The following COMMD6 variants were observed in gnomAD, a reference collection of about 807,000 sequenced individuals.
The protein encoded by COMMD6 is COMM domain containing 6, also known as COMM domain-containing protein 6.
Under a neutral mutation model 13.4 loss-of-function variants are expected in COMMD6, and 11 were observed. That is an observed-to-expected ratio of 0.82 (90% CI 0.52 to 1.36). COMMD6 has a LOEUF of 1.36. Ranked by LOEUF, COMMD6 falls within the 40% of genes most tolerant of loss-of-function variation. The pLI, the probability that COMMD6 is intolerant of heterozygous loss-of-function variation, is 0.00. For synonymous variants in COMMD6, 43 were observed against 36.5 expected, an observed-to-expected ratio of 1.18 and a Z score of -0.64; for missense variants, 124 against 102.4, an observed-to-expected ratio of 1.21 and a Z score of -0.91.
At chr13:75,537,705 G>GA in intron 1 of COMMD6, 30 bp from the exon 2 acceptor site, 1 of 1,614,088 alleles carries the variant, frequency 6.2e-7, no homozygotes, top group Non-Finnish European at 8.5e-7. Context: ...ACAATTTAGA[G>GA]AAACATCTTT....
intron 1 of COMMD6, among the ~76,000 whole-genome samples, chr13:75,547,642 C>T (rs1230890698): frequency 6.6e-6 from 1 of 152,168 alleles, no homozygotes; most frequent in East Asian, 1.9e-4. Flanking sequence ...TACATCCATA[C>T]CAGACGGTGT....
chr13:75,543,574 C>T (rs2030857994), upstream of COMMD6, among the ~76,000 whole-genome samples: 1 of 152,176 alleles, frequency 6.6e-6, no homozygotes, highest in South Asian at 2.1e-4. Context: ...ACAATGAGTG[C>T]TGCGATCTTG....
chr13:75,547,881 T>C (rs918560569), intron 1 of COMMD6, among the ~76,000 whole-genome samples: 1 of 152,242 alleles, frequency 6.6e-6, no homozygotes, highest in Non-Finnish European at 1.5e-5. Context: ...AGATAGAATA[T>C]ACACTTGGGA....
At chr13:75,538,563 A>G (rs1259999823), upstream of COMMD6, among the ~76,000 whole-genome samples, 2 of 152,208 alleles carry the variant, frequency 1.3e-5, no homozygotes, top group Non-Finnish European at 2.9e-5. Flanking sequence ...GGCTTGTATT[A>G]AGGATGATAC....
chr13:75,545,058 G>C (rs539181968), intron 1 of COMMD6, among the ~76,000 whole-genome samples: 1 of 152,142 alleles, frequency 6.6e-6, no homozygotes, highest in Non-Finnish European at 1.5e-5. Flanking sequence ...GCCTAATTAC[G>C]TAAGGCATTG....
chr13:75,526,748 T>A, intron 3 of COMMD6, 109 bp from the exon 4 acceptor site: 1 of 660,808 alleles, frequency 1.5e-6, no homozygotes, highest in Non-Finnish European at 2.4e-6. Context: ...TAAGTTTGCA[T>A]TTTAGTGTTA....
intron 2 of COMMD6, among the ~76,000 whole-genome samples, chr13:75,534,671 A>G (rs1018503185): frequency 6.6e-6 from 1 of 152,226 alleles, no homozygotes; most frequent in Non-Finnish European, 1.5e-5. Flanking sequence ...AAAAGCTAGT[A>G]GTAAAAAAGG....
chr13:75,545,273 G>A (rs890824810), intron 1 of COMMD6, among the ~76,000 whole-genome samples: 3 of 152,156 alleles, frequency 2.0e-5, no homozygotes, highest in East Asian at 1.9e-4. Context: ...GACTGACCCC[G>A]CCCAACCCCA....
At chr13:75,533,578 A>G (rs2030565633) in intron 2 of COMMD6, among the ~76,000 whole-genome samples, 1 of 151,868 alleles carries the variant, frequency 6.6e-6, no homozygotes, top group Non-Finnish European at 1.5e-5. Flanking sequence ...CTGAAAAAAA[A>G]AAAAAAAAAA....
At chr13:75,537,727 G>T (rs1270265634) in intron 1 of COMMD6, 37 bp downstream of exon 1, 4 of 1,613,880 alleles carry the variant, frequency 2.5e-6, no homozygotes, top group Non-Finnish European at 3.4e-6. Context: ...TTGCTCCAGA[G>T]CCTCGCTGCC....
At position 75,537,781 on chromosome 13, in the gene COMMD6, G is replaced by A; in HGVS notation, c.25C>T (p.Leu9=). 6.2e-7 allele frequency: 1 copy of A among 1,611,432 alleles called. No individual in the cohort carries two copies. Among genetic ancestry groups the A allele is most frequent in the Non-Finnish European group, 8.5e-7 (1 of 1,178,094 alleles). The change falls in exon 1 of 4, where the codon CTG becomes TTG. Residue 9 remains leucine (L), a synonymous_variant. Transcript: ENST00000682242. The stretch of plus-strand genomic sequence containing the variant: ...GAACTCACATCGGACTTAGCATCCA[G>A]CGGCGGCTCGCTGGACGCCTCCATG... The part of the protein sequence containing the change: MEASSEPP[L]DAKSDVTNQL...
chr13:75,545,124 C>A (rs1289888762), intron 1 of COMMD6, among the ~76,000 whole-genome samples: 1 of 152,224 alleles, frequency 6.6e-6, no homozygotes, highest in Non-Finnish European at 1.5e-5. Flanking sequence ...TTTGGCAATA[C>A]AACATACATT....
At chr13:75,541,416 G>A (rs1051497756), upstream of COMMD6, among the ~76,000 whole-genome samples, 8 of 151,860 alleles carry the variant, frequency 5.3e-5, no homozygotes, top group African/African-American at 1.7e-4. Context: ...TCCATACATT[G>A]TTGGAGAGTA....
chr13:75,539,254 T>C (rs1489281220), upstream of COMMD6, among the ~76,000 whole-genome samples: 6 of 150,284 alleles, frequency 4.0e-5, no homozygotes, highest in Non-Finnish European at 7.4e-5. Flanking sequence ...AGACAGAGTC[T>C]CAAAAAAAGA....
chr13:75,536,703 C>T (rs2030674757), intron 2 of COMMD6, among the ~76,000 whole-genome samples: 1 of 152,168 alleles, frequency 6.6e-6, no homozygotes, highest in South Asian at 2.1e-4. Context: ...AGACACCTTG[C>T]TTTTAGCACC....
chr13:75,540,379 C>A (rs1230276236), upstream of COMMD6, among the ~76,000 whole-genome samples: 1 of 145,528 alleles, frequency 6.9e-6, no homozygotes, highest in Non-Finnish European at 1.5e-5. Flanking sequence ...CACAGACACA[C>A]ACCCCTTAAC....
chr13:75,537,013 A>G (rs2030686394), intron 2 of COMMD6, among the ~76,000 whole-genome samples: 1 of 152,222 alleles, frequency 6.6e-6, no homozygotes, highest in African/African-American at 2.4e-5. Context: ...ACAGCAGTCA[A>G]TGGACACCTC....
chr13:75,538,450 T>C (rs1240784074), upstream of COMMD6, among the ~76,000 whole-genome samples: 2 of 152,178 alleles, frequency 1.3e-5, no homozygotes, highest in South Asian at 2.1e-4. Context: ...TTTTGAAAAA[T>C]TTATTTTTTT....
In COMMD6 at chr13:75,545,083, A is replaced by G. The variant is rs1277996615; in HGVS notation, n.106+4240T>C. Reference sequence around the variant, plus strand: ...GTAAGGCATTGGTATGTTTTCAAGCACTGCCAAAAGGCCACGTTTAGGAAT... The same window carrying G: ...GTAAGGCATTGGTATGTTTTCAAGCGCTGCCAAAAGGCCACGTTTAGGAAT... On this transcript the variant is annotated intron_variant and non_coding_transcript_variant, in intron 1 of 2. Transcript: ENST00000460675. Among the ~76,000 whole-genome samples the G allele has an allele frequency of 2.0e-5, 3 of 152,342 alleles. No homozygotes were observed. In the East Asian group the frequency reaches 5.8e-4, roughly 29 times the overall value.
Sources: gnomAD v4.1 joint callset for allele counts (sites outside exome capture counted in the v4.1 genomes callset) on GRCh38, gnomAD v4.1.1 for gene constraint, MANE v1.5 for transcripts, NCBI Gene and HGNC (gene_info 2026-07-23, HGNC 2026-07-21) for gene names.